RGS6: variants seen among roughly 807,000 people sequenced by gnomAD.
RGS6 encodes the protein regulator of G protein signaling 6.
RGS6 carries 30 observed loss-of-function variants against 78.5 expected under a neutral mutation model. That is an observed-to-expected ratio of 0.38 (90% confidence interval 0.29 to 0.52). RGS6 has a LOEUF of 0.52. Ranked by LOEUF, RGS6 falls within the 20% of genes least tolerant of loss-of-function variation. The pLI is 0.85. For missense variants in RGS6, 495 were observed against 609.7 expected (o/e 0.81, Z 1.98); for synonymous variants, 206 against 206.0 (o/e 1.00, Z 0.00).
intron 2 of RGS6, among the ~76,000 whole-genome samples, chr14:72,205,853 T>A (rs1037346935): frequency 2.6e-5 from 4 of 152,248 alleles, no homozygotes; most frequent in African/African-American, 9.6e-5. Context: ...ATTGATAATC[T>A]GTACTAATCT....
At chr14:72,344,289 A>C (rs1276666848) in intron 2 of RGS6, among the ~76,000 whole-genome samples, 2 of 152,210 alleles carry the variant, frequency 1.3e-5, no homozygotes, top group Non-Finnish European at 2.9e-5. Context: ...GACAAAACAA[A>C]TAATGCTGTG....
chr14:72,590,307 T>C, the RGS6 span, among the ~76,000 whole-genome samples: 3 of 152,212 alleles, frequency 2.0e-5, no homozygotes, highest in Admixed American at 2.0e-4. Context: ...GAAATAAAAA[T>C]ATATGTTCAC....
At chr14:72,030,917 T>C (rs912536425) in intron 2 of RGS6, among the ~76,000 whole-genome samples, 1 of 152,120 alleles carries the variant, frequency 6.6e-6, no homozygotes, top group African/African-American at 2.4e-5. Context: ...CTGATATGGA[T>C]TCTGGGGCTT....
intron 2 of RGS6, among the ~76,000 whole-genome samples, chr14:72,133,312 T>C (rs1779126408): frequency 6.6e-6 from 1 of 152,092 alleles, no homozygotes; most frequent in African/African-American, 2.4e-5. Context: ...ATCTGCTGTT[T>C]TATGGATGTC....
chr14:72,439,295 G>A (rs1044366617), intron 3 of RGS6, among the ~76,000 whole-genome samples: 4 of 152,198 alleles, frequency 2.6e-5, no homozygotes, highest in African/African-American at 4.8e-5. Flanking sequence ...GTAGGAGCTC[G>A]ATAAATGCTT....
At chr14:72,147,062 T>C (rs546308386) in intron 2 of RGS6, among the ~76,000 whole-genome samples, 9 of 152,342 alleles carry the variant, frequency 5.9e-5, no homozygotes, top group Non-Finnish European at 1.0e-4. Context: ...TTACTGTCCA[T>C]GTTTCTACCA....
At chr14:72,195,505 T>C (rs1045791835) in intron 2 of RGS6, among the ~76,000 whole-genome samples, 2 of 152,166 alleles carry the variant, frequency 1.3e-5, no homozygotes, top group Non-Finnish European at 2.9e-5. Context: ...CAGGGGCTAC[T>C]GAGTCCTCAG....
chr14:72,309,494 C>T (rs553827109), intron 2 of RGS6, among the ~76,000 whole-genome samples: 52 of 152,234 alleles, frequency 3.4e-4, no homozygotes, highest in Admixed American at 5.2e-4. Context: ...CTGACATTCA[C>T]CATGGGCTTT....
chr14:72,083,885 G>A (rs1419505264), intron 2 of RGS6, among the ~76,000 whole-genome samples: 1 of 152,164 alleles, frequency 6.6e-6, no homozygotes, highest in Non-Finnish European at 1.5e-5. Context: ...GTCTGGGGTA[G>A]TCTGGAATAC....
chr14:72,551,667 G>A (rs1297977967), intron 17 of RGS6, among the ~76,000 whole-genome samples: 1 of 152,162 alleles, frequency 6.6e-6, no homozygotes, highest in East Asian at 1.9e-4. Flanking sequence ...CTGATATTAT[G>A]TGACCCTGGG....
At chr14:72,320,369 G>A (rs1426959628) in intron 2 of RGS6, among the ~76,000 whole-genome samples, 1 of 152,150 alleles carries the variant, frequency 6.6e-6, no homozygotes, top group South Asian at 2.1e-4. Context: ...ACGAGGTCGG[G>A]AGATCGAGAC....
intron 2 of RGS6, among the ~76,000 whole-genome samples, chr14:72,152,803 T>A (rs1208815121): frequency 1.3e-5 from 2 of 152,164 alleles, no homozygotes; most frequent in Non-Finnish European, 2.9e-5. Context: ...TTCTCCTTAG[T>A]TTAGCTAACA....
intron 12 of RGS6, among the ~76,000 whole-genome samples, chr14:72,481,984 T>A (rs2153372235): frequency 6.6e-6 from 1 of 152,098 alleles, no homozygotes; most frequent in South Asian, 2.1e-4. Context: ...AATTTTTTTG[T>A]ATTTTTTAGT....
chr14:72,103,536 C>T (rs954633963), intron 2 of RGS6, among the ~76,000 whole-genome samples: 7 of 152,166 alleles, frequency 4.6e-5, no homozygotes, highest in Non-Finnish European at 1.0e-4. Flanking sequence ...CCTGAACTTA[C>T]GTATTTTTGT....
chr14:72,062,848 A>G (rs2093959385), intron 2 of RGS6, among the ~76,000 whole-genome samples: 1 of 152,202 alleles, frequency 6.6e-6, no homozygotes, highest in East Asian at 1.9e-4. Context: ...TGTTTCTGAG[A>G]CATAGTCTTG....
chr14:72,162,849 T>A (rs2096872329), intron 2 of RGS6, among the ~76,000 whole-genome samples: 1 of 152,108 alleles, frequency 6.6e-6, no homozygotes, highest in Non-Finnish European at 1.5e-5. Flanking sequence ...TATATATATA[T>A]GATGGAACAC....
chr14:72,430,759 C>T (rs555482899), intron 3 of RGS6, among the ~76,000 whole-genome samples: 2 of 152,224 alleles, frequency 1.3e-5, no homozygotes, highest in South Asian at 4.1e-4. Context: ...CAGGCACTTT[C>T]TTTGTGATCT....
chr14:71,975,309 A>T (rs969083612), intron 2 of RGS6, among the ~76,000 whole-genome samples: 1 of 152,166 alleles, frequency 6.6e-6, no homozygotes, highest in African/African-American at 2.4e-5. Flanking sequence ...AAGTTTGATT[A>T]TTCCTCCTTC....
upstream of RGS6, among the ~76,000 whole-genome samples, chr14:71,927,818 C>T (rs548593010): frequency 2.1e-4 from 32 of 151,860 alleles, no homozygotes; most frequent in East Asian, 5.5e-3. Context: ...CCACCATGCC[C>T]GGCTAATTTT....
Sources: allele counts gnomAD v4.1 joint callset (sites outside exome capture counted in the v4.1 genomes callset), GRCh38; gene constraint gnomAD v4.1.1; transcripts MANE v1.5; gene names NCBI Gene and HGNC (gene_info 2026-07-23, HGNC 2026-07-21).